Variants in EXT1 observed in about 807,000 individuals in gnomAD.
EXT1 encodes the protein exostosin glycosyltransferase 1.
Under a neutral mutation model 82.5 loss-of-function variants are expected in EXT1, and 20 were observed. The observed-to-expected ratio is 0.24, with a 90% CI of 0.17 to 0.35. The LOEUF (loss-of-function observed/expected upper bound fraction) is 0.35, where lower values mean the gene tolerates loss of function less well. Ranked by LOEUF, EXT1 falls within the 10% of genes least tolerant of loss-of-function variation. The probability of loss-of-function intolerance (pLI) is 1.00; values close to 1 mark genes in which losing one functional copy is unlikely to be tolerated. For synonymous variants in EXT1, 348 were observed against 350.8 expected, an observed-to-expected ratio of 0.99 and a Z score of 0.09; for missense variants, 757 against 936.5, an observed-to-expected ratio of 0.81 and a Z score of 2.50.
Position 117,830,259 on chromosome 8 carries a change from C to A in EXT1, c.1255G>T (p.Val419Phe), listed in dbSNP as rs2129772057. The A allele has an allele frequency of 1.9e-6, 3 of 1,614,028 alleles. No homozygotes were observed. The highest frequency in any genetic ancestry group is 1.7e-6 in the Non-Finnish European group (2 of 1,179,992). Residue 419 changes from valine (V) to phenylalanine (F), a missense_variant, in exon 4 of 11, where the codon GTT becomes TTT. Transcript: ENST00000378204. Reference protein sequence around the residue: ...QFLWEAYFSSVEKIVLTTLEI... With the variant: ...QFLWEAYFSSFEKIVLTTLEI... Reference sequence around the variant, plus strand: ...AGTGTAGTTAATACAATCTTCTCAACTGAAGAAAAATAAGCCTCCCACAAG... The same window carrying A: ...AGTGTAGTTAATACAATCTTCTCAAATGAAGAAAAATAAGCCTCCCACAAG...
intron 7 of EXT1, among the ~76,000 whole-genome samples, chr8:117,815,426 A>G (rs1811793600): frequency 6.6e-6 from 1 of 152,188 alleles, no homozygotes; most frequent in Non-Finnish European, 1.5e-5. Flanking sequence ...TCATCAACAG[A>G]AGTAAAAAGC....
At chr8:117,843,309 A>ATGATGAT (rs1460688964) in intron 1 of EXT1, among the ~76,000 whole-genome samples, 2 of 152,192 alleles carry the variant, frequency 1.3e-5, no homozygotes, top group African/African-American at 4.8e-5. Flanking sequence ...GTGTTATCAA[A>ATGATGAT]TGATGATTAG....
At chr8:117,909,130 T>A (rs986756489) in intron 1 of EXT1, among the ~76,000 whole-genome samples, 1 of 99,186 alleles carries the variant, frequency 1.0e-5, no homozygotes, top group African/African-American at 2.7e-5. Context: ...AGACTCTGTC[T>A]CAAAAAAAAA....
At chr8:118,065,121 G>T (rs1242834488) in intron 1 of EXT1, among the ~76,000 whole-genome samples, 1 of 152,026 alleles carries the variant, frequency 6.6e-6, no homozygotes, top group Non-Finnish European at 1.5e-5. Context: ...CCAAAGTGCT[G>T]GGATTACAGG....
chr8:117,859,433 C>T (rs1459099019), intron 1 of EXT1, among the ~76,000 whole-genome samples: 1 of 152,166 alleles, frequency 6.6e-6, no homozygotes, highest in Non-Finnish European at 1.5e-5. Context: ...TCTCACTACT[C>T]CTGATTTGGA....
intron 9 of EXT1, among the ~76,000 whole-genome samples, chr8:117,806,618 C>A (rs138903838): frequency 2.6e-5 from 4 of 152,322 alleles, no homozygotes; most frequent in Admixed American, 2.6e-4. Flanking sequence ...TCTCCTGCCA[C>A]AACACTCTTG....
At chr8:117,975,473 C>G (rs369559734) in intron 1 of EXT1, among the ~76,000 whole-genome samples, 78 of 151,634 alleles carry the variant, frequency 5.1e-4, no homozygotes, top group African/African-American at 1.8e-3. Flanking sequence ...AGTGCAAAGC[C>G]CTCACCCTCA....
chr8:117,956,813 C>G (rs893207776), intron 1 of EXT1, among the ~76,000 whole-genome samples: 6 of 152,120 alleles, frequency 3.9e-5, no homozygotes, highest in African/African-American at 1.4e-4. Flanking sequence ...TAACCATGAG[C>G]ATATATTCCT....
At chr8:118,044,671 T>C (rs145708024) in intron 1 of EXT1, among the ~76,000 whole-genome samples, 2 of 152,220 alleles carry the variant, frequency 1.3e-5, no homozygotes, top group African/African-American at 4.8e-5. Flanking sequence ...TCTCCCAAAG[T>C]GCTGGGATTA....
chr8:117,944,284 C>T (rs1814343051), intron 1 of EXT1, among the ~76,000 whole-genome samples: 2 of 152,308 alleles, frequency 1.3e-5, no homozygotes, highest in African/African-American at 4.8e-5. Flanking sequence ...CATGTAATTC[C>T]AGCTACTCAG....
chr8:117,815,244 G>A (rs767163797), intron 7 of EXT1, among the ~76,000 whole-genome samples: 1 of 152,090 alleles, frequency 6.6e-6, no homozygotes, highest in Non-Finnish European at 1.5e-5. Flanking sequence ...CAAAGACAAC[G>A]CCTATAAATT....
At chr8:118,029,891 CT>C (rs1280755425) in intron 1 of EXT1, among the ~76,000 whole-genome samples, 1 of 152,206 alleles carries the variant, frequency 6.6e-6, no homozygotes, top group Admixed American at 6.5e-5. Context: ...CAAGTATTTG[CT>C]TTCCTCAAGG....
At chr8:117,805,325 T>C (rs17439541) in intron 9 of EXT1, among the ~76,000 whole-genome samples, 55,246 of 152,026 alleles carry the variant, frequency 0.36, 10,791 homozygotes, top group Admixed American at 0.51. Flanking sequence ...ATTTTAATCA[T>C]TGGCTTAATC....
At chr8:118,047,412 A>AT in intron 1 of EXT1, among the ~76,000 whole-genome samples, 1 of 152,320 alleles carries the variant, frequency 6.6e-6, no homozygotes, top group African/African-American at 2.4e-5. Flanking sequence ...TAAGCACTAA[A>AT]TAAGGATACA....
At chr8:118,021,962 C>T (rs141474468) in intron 1 of EXT1, among the ~76,000 whole-genome samples, 3 of 152,328 alleles carry the variant, frequency 2.0e-5, no homozygotes, top group African/African-American at 7.2e-5. Context: ...CCTTCATCCT[C>T]CAACTTTCAA....
chr8:117,972,715 C>T (rs184551286), intron 1 of EXT1, among the ~76,000 whole-genome samples: 10 of 152,232 alleles, frequency 6.6e-5, no homozygotes, highest in East Asian at 5.8e-4. Context: ...GCTGGGGAGG[C>T]CTCAGGAAAC....
chr8:117,889,807 A>G (rs1813211218), intron 1 of EXT1, among the ~76,000 whole-genome samples: 1 of 152,192 alleles, frequency 6.6e-6, no homozygotes, highest in African/African-American at 2.4e-5. Context: ...AATCATCGTG[A>G]GATCTAACTA....
At chr8:117,863,669 C>T (rs1812725067) in intron 1 of EXT1, among the ~76,000 whole-genome samples, 1 of 152,114 alleles carries the variant, frequency 6.6e-6, no homozygotes, top group South Asian at 2.1e-4. Context: ...CACTAGATAT[C>T]TCTGCAAAGT....
intron 1 of EXT1, among the ~76,000 whole-genome samples, chr8:118,085,723 C>CA (rs539566198): frequency 9.6e-4 from 125 of 130,546 alleles, no homozygotes; most frequent in African/African-American, 1.5e-3. Context: ...GTGACGGAGG[C>CA]AAAAAAAAAA....
Sources: allele counts gnomAD v4.1 joint callset (sites outside exome capture counted in the v4.1 genomes callset), GRCh38; gene constraint gnomAD v4.1.1; transcripts MANE v1.5; gene names NCBI Gene and HGNC (gene_info 2026-07-23, HGNC 2026-07-21).